The following CALCOCO1 variants were observed in gnomAD, a reference collection of about 807,000 sequenced individuals.
The protein encoded by CALCOCO1 is calcium-binding and coiled-coil domain-containing protein 1.
Under a neutral mutation model 86.3 loss-of-function variants are expected in CALCOCO1, and 44 were observed. The ratio of observed to expected loss-of-function variants is 0.51; its 90% CI spans 0.40 to 0.66. The LOEUF (loss-of-function observed/expected upper bound fraction) is 0.66, where lower values mean the gene tolerates loss of function less well. CALCOCO1 is among the 30% of genes least tolerant of loss of function. The probability of loss-of-function intolerance (pLI) is 0.00; values close to 1 mark genes in which losing one functional copy is unlikely to be tolerated. For synonymous variants in CALCOCO1, 297 were observed against 327.6 expected (o/e 0.91, Z 1.01); for missense variants, 708 against 851.1 (o/e 0.83, Z 2.09).
At chr12:53,715,485 G>A (rs767339586) in intron 9 of CALCOCO1, among the ~76,000 whole-genome samples, 160 bp from the exon 10 acceptor site, 1 of 152,126 alleles carries the variant, frequency 6.6e-6, no homozygotes, top group Admixed American at 6.5e-5. Flanking sequence ...CCCTCTGAAT[G>A]AAGGACAGGA....
intron 7 of CALCOCO1, among the ~76,000 whole-genome samples, chr12:53,717,267 A>G: frequency 6.6e-6 from 1 of 152,178 alleles, no homozygotes; most frequent in South Asian, 2.1e-4. Flanking sequence ...GGGTCTCACT[A>G]TGTTGCCCAG....
chr12:53,716,520 A>G (rs968353748), intron 7 of CALCOCO1, 105 bp from the exon 8 acceptor site: 34 of 1,194,022 alleles, frequency 2.8e-5, no homozygotes, highest in Non-Finnish European at 3.8e-5. Flanking sequence ...TCTCAGATTT[A>G]ACACACACTC....
intron 7 of CALCOCO1, among the ~76,000 whole-genome samples, chr12:53,718,528 C>G (rs1945787171): frequency 6.6e-6 from 1 of 152,106 alleles, no homozygotes. Flanking sequence ...AGGCCCCACA[C>G]CCCACCCCTT....
intron 11 of CALCOCO1, 133 bp downstream of exon 11, chr12:53,714,462 CTAA>C (rs1255825472): frequency 2.8e-6 from 2 of 705,766 alleles, no homozygotes; most frequent in Non-Finnish European, 4.9e-6. Context: ...GCCAAATCAG[CTAA>C]TAAGAGAAGC....
At position 53,715,268 on chromosome 12, in the gene CALCOCO1, C is replaced by G; in HGVS notation, c.1318G>C (p.Val440Leu). The G allele has an allele frequency of 6.2e-7, 1 of 1,614,206 alleles. No homozygotes were observed. Among genetic ancestry groups the G allele is most frequent in the Non-Finnish European group, 8.5e-7 (1 of 1,180,044 alleles). Residue 440 changes from valine (V) to leucine (L), a missense_variant, in exon 10 of 15, where the codon GTT becomes CTT. Transcript: ENST00000550804. ...TGGTTTTGGGTCCTCTCCTCCTGAA[C>G]TGCCTTCTCCAATCGAAGTATCTCT... ...SAEILRLEKA[V>L]QEERTQNQVF...
chr12:53,712,844 G>T (rs554425702), intron 14 of CALCOCO1: 2 of 1,452,042 alleles, frequency 1.4e-6, no homozygotes, highest in African/African-American at 2.8e-5. Flanking sequence ...GCAGAAGATG[G>T]TGCTAGAACA....
In CALCOCO1 at chr12:53,712,080, C is replaced by G. The variant is rs758855134; in HGVS notation, c.1940G>C (p.Gly647Ala). ...VGTLSETSTG[G>A]PATPTWKECP... is the part of the protein sequence containing the mutation. Reference sequence around the variant, plus strand: ...CTCCTTCCATGTGGGGGTGGCAGGGCCCCCAGTGCTGGTTTCTGACAGGGT... The same window carrying G: ...CTCCTTCCATGTGGGGGTGGCAGGGGCCCCAGTGCTGGTTTCTGACAGGGT... Residue 647 changes from glycine to alanine, a missense_variant, in exon 15 of 15, where the codon GGC becomes GCC. By Grantham distance (60) the Gly-to-Ala change is moderately conservative. Transcript: ENST00000550804. 1.2e-6 allele frequency: 2 copies of G among 1,609,938 alleles called. No individual in the cohort carries two copies. The highest frequency in any genetic ancestry group is 1.3e-5 in the African/African-American group (1 of 74,902).
At position 53,724,348 on chromosome 12, in the gene CALCOCO1, C is replaced by G. The variant is rs1945965991; in HGVS notation, c.259+297G>C. ...GAGATTTGAACCCAGGTCTTTCCCT[C>G]TTCTCACCACATAATTCTACCTTTC... On this transcript the variant is annotated intron_variant, in intron 3 of 14. Coordinates refer to ENST00000550804, the MANE Select transcript of CALCOCO1 (RefSeq NM_020898.3). 6 of 411,122 alleles carry G rather than the reference C, an allele frequency of 1.5e-5. No homozygotes were observed. The Admixed American group carries it at 2.2e-4, about 15-fold the overall frequency. The allele number at this position is 411,122 out of a possible 1,614,324, so 25.5% of individuals were successfully genotyped here. A position where few individuals can be genotyped will look rare whatever the true frequency, so the allele number is the denominator to read the frequency against.
intron 1 of CALCOCO1, among the ~76,000 whole-genome samples, chr12:53,726,940 T>C (rs1946049545): frequency 6.6e-6 from 1 of 152,106 alleles, no homozygotes; most frequent in African/African-American, 2.4e-5. Flanking sequence ...GATTCAGATG[T>C]TCACATGATG....
chr12:53,712,212 G>A (rs1741903305), intron 14 of CALCOCO1, 91 bp from the exon 15 acceptor site: 1 of 1,160,668 alleles, frequency 8.6e-7, no homozygotes. Context: ...CATGTGCCTG[G>A]GTTCCCAGGT....
At position 53,711,330 on chromosome 12, in the gene CALCOCO1, C is replaced by A; in HGVS notation, c.*614G>T. The A allele has an allele frequency of 2.5e-6, 1 of 394,572 alleles. No individual in the cohort carries two copies. Among genetic ancestry groups the A allele is most frequent in the East Asian group, 3.6e-5 (1 of 27,822 alleles). The allele number at this position is 394,572 out of a possible 1,614,324, so 24.4% of individuals were successfully genotyped here. On this transcript the variant is annotated 3_prime_UTR_variant, in exon 15 of 15. Coordinates refer to ENST00000550804, the MANE Select transcript of CALCOCO1 (RefSeq NM_020898.3). ...GGAGAGGATACAGAATACAGGAATC[C>A]TCAAAAATACAAAAAACCCCTCCAA...
At chr12:53,726,028 C>T (rs983855802) in intron 1 of CALCOCO1, among the ~76,000 whole-genome samples, 9 of 151,258 alleles carry the variant, frequency 6.0e-5, no homozygotes, top group South Asian at 4.2e-4. Flanking sequence ...TGGAGTGAGG[C>T]GCTTAGCAGG....
chr12:53,723,007 C>G (rs551889338), intron 4 of CALCOCO1: 1 of 364,474 alleles, frequency 2.7e-6, no homozygotes, highest in East Asian at 7.8e-5. Context: ...AAAAAAACCC[C>G]AAACAGTATC....
rs1945876342 is a variant in CALCOCO1 at position 53,721,806 on chromosome 12, C to T, written c.610-191G>A. The T allele has an allele frequency of 1.5e-5, 12 of 805,428 alleles. No homozygotes were observed. The South Asian group carries it at 1.8e-4, about 12-fold the overall frequency. The allele number at this position is 805,428 out of a possible 1,614,324, so 49.9% of individuals were successfully genotyped here. ...CGTGGCCACCTCCACCTTACCCCAG[C>T]ATTCCTATGTTCAAAGAACTGAGTC... On this transcript the variant is annotated intron_variant, in intron 5 of 14. Coordinates refer to ENST00000550804, the MANE Select transcript of CALCOCO1 (RefSeq NM_020898.3).
chr12:53,715,914 A>T lies in CALCOCO1; in HGVS notation c.1139T>A (p.Leu380Gln), dbSNP rs1299555613. The part of the protein sequence containing the change: ...AAARDRTIAE[L>Q]HRSRLEVAEV... ...AGCCACTTCCAGGCGGCTGCGGTGTAGTTCGGCTATGGTGCGGTCCCTGGC... is the reference window on the plus strand; with the variant it reads ...AGCCACTTCCAGGCGGCTGCGGTGTTGTTCGGCTATGGTGCGGTCCCTGGC... The change falls in exon 9 of 15, where the codon CTA (leucine) becomes CAA (glutamine). Residue 380 changes from leucine to glutamine, a missense_variant. Leu to Gln is a moderately radical substitution (Grantham distance 113). Coordinates refer to ENST00000550804, the MANE Select transcript of CALCOCO1 (RefSeq NM_020898.3). 14 of 1,614,090 alleles carry T rather than the reference A, an allele frequency of 8.7e-6. No individual in the cohort carries two copies. The highest frequency in any genetic ancestry group is 1.2e-5 in the Non-Finnish European group (14 of 1,180,058).
At chr12:53,724,973 T>C in intron 2 of CALCOCO1, 114 bp downstream of exon 2, 2 of 1,241,172 alleles carry the variant, frequency 1.6e-6, no homozygotes, top group Non-Finnish European at 2.3e-6. Flanking sequence ...CTGTGACATC[T>C]TTCTCTCTTC....
chr12:53,712,195 C>A (rs1945580798), intron 14 of CALCOCO1, 74 bp from the exon 15 acceptor site: 3 of 1,376,848 alleles, frequency 2.2e-6, no homozygotes, highest in South Asian at 1.4e-5. Flanking sequence ...CTTCGGAGAG[C>A]AGGACCCATG....
At chr12:53,720,158 T>A (rs957298793) in intron 6 of CALCOCO1, among the ~76,000 whole-genome samples, 2 of 152,176 alleles carry the variant, frequency 1.3e-5, no homozygotes, top group African/African-American at 2.4e-5. Context: ...TTATTGATTA[T>A]AAACTTTTGA....
chr12:53,719,682 A>AAT, intron 7 of CALCOCO1, 57 bp downstream of exon 7: 1 of 1,222,990 alleles, frequency 8.2e-7, no homozygotes, highest in Non-Finnish European at 1.2e-6. Context: ...GGCTCTCGAG[A>AAT]GGGAATCAAA....
Sources: allele counts gnomAD v4.1 joint callset (sites outside exome capture counted in the v4.1 genomes callset), GRCh38; gene constraint gnomAD v4.1.1; transcripts MANE v1.5; gene names NCBI Gene and HGNC (gene_info 2026-07-23, HGNC 2026-07-21).